Variants in ASTN1 observed in about 807,000 individuals in gnomAD.
The protein encoded by ASTN1 is astrotactin-1.
ASTN1 carries 41 observed loss-of-function variants against 140.7 expected under a neutral mutation model. The observed-to-expected ratio is 0.29, with a 90% CI of 0.23 to 0.38. The LOEUF is 0.38. Ranked by LOEUF, ASTN1 falls within the 10% of genes least tolerant of loss-of-function variation. The pLI, the probability that ASTN1 is intolerant of heterozygous loss-of-function variation, is 1.00. For missense variants in ASTN1, 1,479 were observed against 1,678.8 expected, an observed-to-expected ratio of 0.88 and a Z score of 2.08; for synonymous variants, 640 against 652.2, an observed-to-expected ratio of 0.98 and a Z score of 0.29.
chr1:176,925,816 T>G (rs1451480513), intron 16 of ASTN1, among the ~76,000 whole-genome samples: 1 of 151,740 alleles, frequency 6.6e-6, no homozygotes, highest in East Asian at 1.9e-4. Flanking sequence ...GGCATTCTTT[T>G]TTTTTTTTTT....
At chr1:176,869,073 TAA>T in intron 21 of ASTN1, 46 bp from the exon 22 acceptor site, 1 of 1,256,838 alleles carries the variant, frequency 8.0e-7, no homozygotes, top group Non-Finnish European at 1.1e-6. Context: ...ATATATATAA[TAA>T]TGTATATATA....
At chr1:177,090,123 A>T (rs1679675698) in intron 1 of ASTN1, among the ~76,000 whole-genome samples, 1 of 152,034 alleles carries the variant, frequency 6.6e-6, no homozygotes, top group South Asian at 2.1e-4. Context: ...TTTATATACA[A>T]TTATATTGAT....
At chr1:176,979,650 C>T (rs1322527135) in intron 8 of ASTN1, among the ~76,000 whole-genome samples, 1 of 152,124 alleles carries the variant, frequency 6.6e-6, no homozygotes, top group Non-Finnish European at 1.5e-5. Context: ...GTATTAGCAG[C>T]ATGCGGCAGA....
chr1:176,903,679 A>T, intron 16 of ASTN1, among the ~76,000 whole-genome samples: 1 of 152,102 alleles, frequency 6.6e-6, no homozygotes, highest in East Asian at 1.9e-4. Flanking sequence ...TGTGACTCAG[A>T]GCTAATCACC....
rs375039376 is a variant in ASTN1, at chr1:177,098,600, G to A, written c.284-37335C>T. The stretch of plus-strand genomic sequence containing the variant: ...CACAACAAATGTTGGGTGCAAAGAA[G>A]GAAGCAAGGAGAAACACTAAGCATA... On this transcript the variant is annotated intron_variant, in intron 1 of 22. Coordinates refer to ENST00000361833, the MANE Select transcript of ASTN1 (RefSeq NM_004319.3). Among the ~76,000 whole-genome samples the A allele has an allele frequency of 3.9e-5, 6 of 152,018 alleles. No homozygotes were observed. The East Asian group carries it at 9.6e-4, about 24-fold the overall frequency.
intron 9 of ASTN1, among the ~76,000 whole-genome samples, chr1:176,964,609 G>A (rs1479919715): frequency 6.6e-6 from 1 of 152,158 alleles, no homozygotes; most frequent in African/African-American, 2.4e-5. Context: ...AAATTTGGGA[G>A]GGAGTAGAAG....
intron 19 of ASTN1, among the ~76,000 whole-genome samples, chr1:176,883,437 G>T (rs934593228): frequency 6.6e-6 from 1 of 152,054 alleles, no homozygotes; most frequent in Non-Finnish European, 1.5e-5. Context: ...CTCGTGATCC[G>T]CCCAGCTCGG....
At chr1:177,035,491 C>T (rs1227067965) in intron 2 of ASTN1, among the ~76,000 whole-genome samples, 1 of 152,192 alleles carries the variant, frequency 6.6e-6, no homozygotes, top group African/African-American at 2.4e-5. Context: ...AAACAAACGA[C>T]CTTTAGTAAG....
At chr1:176,878,364 C>A (rs1363019801) in intron 20 of ASTN1, among the ~76,000 whole-genome samples, 1 of 152,074 alleles carries the variant, frequency 6.6e-6, no homozygotes, top group Non-Finnish European at 1.5e-5. Flanking sequence ...TGTACTCAAC[C>A]CCAGCCTGAC....
intron 4 of ASTN1, 32 bp downstream of exon 4, chr1:177,030,774 C>T: frequency 6.2e-7 from 1 of 1,613,066 alleles, no homozygotes; most frequent in South Asian, 1.1e-5. Context: ...TGAAGGAATC[C>T]ACCCACGAGC....
intron 1 of ASTN1, among the ~76,000 whole-genome samples, chr1:177,111,549 G>GCT (rs1195256462): frequency 6.6e-6 from 1 of 152,096 alleles, no homozygotes; most frequent in Admixed American, 6.5e-5. Flanking sequence ...CCCTTCCAGG[G>GCT]TATGTCTAAA....
At chr1:176,886,114 G>A (rs536735749) in intron 18 of ASTN1, among the ~76,000 whole-genome samples, 11 of 152,100 alleles carry the variant, frequency 7.2e-5, no homozygotes, top group Non-Finnish European at 1.0e-4. Context: ...GACTAAACCC[G>A]GCCTCTTCTG....
At chr1:177,129,399 C>A (rs951533634) in intron 1 of ASTN1, among the ~76,000 whole-genome samples, 1 of 152,036 alleles carries the variant, frequency 6.6e-6, no homozygotes, top group Non-Finnish European at 1.5e-5. Context: ...GCTTGTAGGT[C>A]GCAAGGAACC....
chr1:176,942,629 C>G (rs768272127), intron 14 of ASTN1, among the ~76,000 whole-genome samples: 1 of 151,330 alleles, frequency 6.6e-6, no homozygotes, highest in Non-Finnish European at 1.5e-5. Flanking sequence ...CAAAGTCACC[C>G]CACTGCTCAC....
chr1:176,871,983 A>T, intron 21 of ASTN1, among the ~76,000 whole-genome samples: 1 of 151,954 alleles, frequency 6.6e-6, no homozygotes, highest in East Asian at 1.9e-4. Flanking sequence ...AAGAACTGAG[A>T]TCTCTCAGGC....
chr1:176,911,545 TTTTTTTTAC>T (rs1450013586), intron 16 of ASTN1, among the ~76,000 whole-genome samples: 15 of 151,986 alleles, frequency 9.9e-5, no homozygotes, highest in African/African-American at 3.6e-4. Flanking sequence ...TATTTTTTTA[TTTTTTTTAC>T]TTTGTAAACT....
intron 8 of ASTN1, among the ~76,000 whole-genome samples, chr1:177,014,109 C>T (rs897852789): frequency 5.3e-5 from 8 of 150,362 alleles, no homozygotes; most frequent in Non-Finnish European, 1.0e-4. Context: ...TGTGAATTTA[C>T]TTAATGCCAC....
At chr1:176,869,161 A>C (rs937134885) in intron 21 of ASTN1, 134 bp from the exon 22 acceptor site, 3 of 527,194 alleles carry the variant, frequency 5.7e-6, no homozygotes, top group Non-Finnish European at 8.9e-6. Flanking sequence ...TAATGTATAT[A>C]TAATATGCAT....
intron 1 of ASTN1, among the ~76,000 whole-genome samples, chr1:177,154,782 A>G (rs1486469792): frequency 6.6e-6 from 1 of 152,130 alleles, no homozygotes; most frequent in Non-Finnish European, 1.5e-5. Context: ...GCAAATCAAT[A>G]AACGACTGGA....
Sources: gnomAD v4.1 joint callset for allele counts (sites outside exome capture counted in the v4.1 genomes callset) on GRCh38, gnomAD v4.1.1 for gene constraint, MANE v1.5 for transcripts, NCBI Gene and HGNC (gene_info 2026-07-23, HGNC 2026-07-21) for gene names.